PCDH15: variants seen among roughly 807,000 people sequenced by gnomAD.
PCDH15 encodes the protein protocadherin-15.
Under a neutral mutation model 178.5 loss-of-function variants are expected in PCDH15, and 129 were observed. The observed-to-expected ratio is 0.72, with a 90% CI of 0.63 to 0.84. The LOEUF is 0.84. Ranked by LOEUF, PCDH15 falls within the 40% of genes least tolerant of loss-of-function variation. The probability of loss-of-function intolerance (pLI) is 0.00; values close to 1 mark genes in which losing one functional copy is unlikely to be tolerated. For synonymous variants in PCDH15, 800 were observed against 732.0 expected, an observed-to-expected ratio of 1.09 and a Z score of -1.50; for missense variants, 2,230 against 2,099.9, an observed-to-expected ratio of 1.06 and a Z score of -1.21.
At chr10:55,216,944 C>T (rs1422607681) in intron 1 of PCDH15, among the ~76,000 whole-genome samples, 1 of 151,846 alleles carries the variant, frequency 6.6e-6, no homozygotes, top group Non-Finnish European at 1.5e-5. Context: ...CAAACTCTTT[C>T]TGTGAATTCT....
At chr10:54,553,103 C>G (rs1198661964) in intron 2 of PCDH15, among the ~76,000 whole-genome samples, 2 of 152,180 alleles carry the variant, frequency 1.3e-5, no homozygotes, top group African/African-American at 4.8e-5. Flanking sequence ...ATTCTGACCT[C>G]TTTTAAACAC....
At chr10:54,197,606 T>A (rs1465231165) in intron 10 of PCDH15, among the ~76,000 whole-genome samples, 1 of 152,180 alleles carries the variant, frequency 6.6e-6, no homozygotes, top group Non-Finnish European at 1.5e-5. Context: ...ACTTTGTAAG[T>A]AGCTCAGCTA....
At chr10:54,586,233 G>A (rs1444798339) in intron 2 of PCDH15, among the ~76,000 whole-genome samples, 1 of 152,098 alleles carries the variant, frequency 6.6e-6, no homozygotes, top group Non-Finnish European at 1.5e-5. Context: ...ATTAAAAAGT[G>A]TGTCACACAA....
chr10:54,285,492 A>T (rs2132833038), intron 8 of PCDH15, among the ~76,000 whole-genome samples: 1 of 152,292 alleles, frequency 6.6e-6, no homozygotes, highest in South Asian at 2.1e-4. Flanking sequence ...AACATTACTA[A>T]TCTTCTGGGA....
At chr10:54,930,529 T>C (rs1023870258) in intron 2 of PCDH15, among the ~76,000 whole-genome samples, 1 of 152,190 alleles carries the variant, frequency 6.6e-6, no homozygotes, top group Non-Finnish European at 1.5e-5. Context: ...CTTCAATTTG[T>C]TTACTCTGTT....
At chr10:55,193,349 G>A (rs1222337642) in intron 1 of PCDH15, among the ~76,000 whole-genome samples, 5 of 151,918 alleles carry the variant, frequency 3.3e-5, no homozygotes, top group African/African-American at 1.2e-4. Context: ...GCCAGCTGTT[G>A]TATCATAAAC....
chr10:54,641,136 T>C, intron 2 of PCDH15: 1 of 227,048 alleles, frequency 4.4e-6, no homozygotes, highest in Non-Finnish European at 8.9e-6. Context: ...TAAAATTTTT[T>C]TAAAAGTACA....
chr10:54,842,284 A>G (rs1463053024), intron 3 of PCDH15, among the ~76,000 whole-genome samples: 1 of 151,830 alleles, frequency 6.6e-6, no homozygotes, highest in Admixed American at 6.6e-5. Context: ...TTCTCCATCC[A>G]GACCTATTGT....
intron 15 of PCDH15, among the ~76,000 whole-genome samples, chr10:54,123,983 GACACTGGGGAGT>G (rs2041780784): frequency 6.6e-6 from 1 of 152,088 alleles, no homozygotes; most frequent in Non-Finnish European, 1.5e-5. Context: ...GGGAACAAAA[GACACTGGGGAGT>G]ACTAGAGGGG....
rs1355007133 is a variant in PCDH15 at position 53,855,920 on chromosome 10, A to G, written c.3806+1255T>C. ...AGGTGATATGTATATATATATATAT[A>G]TGTATGTGTGTGTGTGTAATGAAAT... On this transcript the variant is annotated intron_variant, in intron 28 of 37. Coordinates refer to ENST00000644397, the MANE Select transcript of PCDH15 (RefSeq NM_001384140.1). Among the ~76,000 whole-genome samples, 9 of 140,378 alleles carry G rather than the reference A, an allele frequency of 6.4e-5. 1 individual carries two copies. Among genetic ancestry groups the G allele is most frequent in the Admixed American group, 5.2e-4 (7 of 13,526 alleles). 92.1% of individuals were successfully genotyped at this position (140,378 alleles called of 152,430 possible).
At chr10:53,959,186 T>C (rs866386214) in intron 23 of PCDH15, among the ~76,000 whole-genome samples, 133 of 148,886 alleles carry the variant, frequency 8.9e-4, no homozygotes, top group African/African-American at 3.2e-3. Flanking sequence ...TGTGTATATA[T>C]ATATACACAC....
intron 3 of PCDH15, among the ~76,000 whole-genome samples, chr10:54,413,545 G>C (rs146185368): frequency 6.6e-6 from 1 of 152,038 alleles, no homozygotes; most frequent in Non-Finnish European, 1.5e-5. Context: ...TAAAAAGTAA[G>C]AGATCTATTG....
rs2084846744 is a variant in PCDH15, at chr10:53,929,425, AT to A, written c.3373+9389del. The stretch of plus-strand genomic sequence containing the variant: ...TTAATTTTCATAAACTCCTCTCCAT[AT>A]TTTAAAGTAATACATTATTAATATA... On this transcript the variant is annotated intron_variant, in intron 25 of 37. Transcript: ENST00000644397. 2.0e-5 allele frequency among the ~76,000 whole-genome samples: 3 copies of A among 152,154 alleles called. No individual in the cohort carries two copies. In the South Asian group the frequency reaches 6.2e-4, roughly 32 times the overall value.
chr10:54,267,215 TA>T (rs2057751107), intron 8 of PCDH15, among the ~76,000 whole-genome samples: 1 of 151,738 alleles, frequency 6.6e-6, no homozygotes, highest in Non-Finnish European at 1.5e-5. Flanking sequence ...AAGTATTTGA[TA>T]AAATCCAACA....
At chr10:53,946,942 A>C (rs1311255436) in intron 23 of PCDH15, among the ~76,000 whole-genome samples, 2 of 151,894 alleles carry the variant, frequency 1.3e-5, no homozygotes, top group East Asian at 3.9e-4. Context: ...ACACCTGGCT[A>C]ATTTTTTGTA....
At chr10:53,896,895 C>T (rs917954140) in intron 26 of PCDH15, among the ~76,000 whole-genome samples, 23 of 152,114 alleles carry the variant, frequency 1.5e-4, no homozygotes, top group African/African-American at 5.6e-4. Flanking sequence ...AAGATCAGGG[C>T]TTCCACTGAT....
chr10:55,509,736 C>T (rs370656224), intron 2 of PCDH15, among the ~76,000 whole-genome samples: 1 of 151,822 alleles, frequency 6.6e-6, no homozygotes, highest in Non-Finnish European at 1.5e-5. Flanking sequence ...ACTTTGGCAG[C>T]AATCTACATT....
chr10:55,325,868 C>G (rs1565011018), intron 2 of PCDH15, among the ~76,000 whole-genome samples: 1 of 151,920 alleles, frequency 6.6e-6, no homozygotes, highest in Non-Finnish European at 1.5e-5. Context: ...AATTCAGAAT[C>G]CATAAAGAAC....
intron 2 of PCDH15, among the ~76,000 whole-genome samples, chr10:55,042,202 AG>A (rs1267661684): frequency 1.2e-4 from 18 of 152,170 alleles, no homozygotes; most frequent in African/African-American, 4.1e-4. Context: ...AACCCTCTGA[AG>A]GAAGAATAGG....
Sources: gnomAD v4.1 joint callset for allele counts (sites outside exome capture counted in the v4.1 genomes callset) on GRCh38, gnomAD v4.1.1 for gene constraint, MANE v1.5 for transcripts, NCBI Gene and HGNC (gene_info 2026-07-23, HGNC 2026-07-21) for gene names.